Variants in ITGB3BP observed in about 807,000 individuals in gnomAD.
ITGB3BP encodes the protein centromere protein R.
In ITGB3BP, 27 loss-of-function variants were observed where a neutral mutation model predicts 29.1. The ratio of observed to expected loss-of-function variants is 0.93; its 90% CI spans 0.68 to 1.28. The LOEUF (loss-of-function observed/expected upper bound fraction) is 1.28. ITGB3BP is among the 50% of genes most tolerant of loss of function. ITGB3BP has a pLI of 0.00. For synonymous variants in ITGB3BP, 61 were observed against 61.4 expected (o/e 0.99, Z 0.03); for missense variants, 192 against 200.2 (o/e 0.96, Z 0.25).
chr1:63,446,551 T>A, intron 8 of ITGB3BP: 1 of 451,044 alleles, frequency 2.2e-6, no homozygotes. Flanking sequence ...GTTAAAAATG[T>A]GTCCTCTCTG....
chr1:63,490,403 C>T (rs1191500303), intron 2 of ITGB3BP, among the ~76,000 whole-genome samples, 185 bp from the exon 3 acceptor site: 1 of 152,128 alleles, frequency 6.6e-6, no homozygotes, highest in East Asian at 1.9e-4. Context: ...TATTTCAGGT[C>T]TCTATAATAA....
intron 8 of ITGB3BP, among the ~76,000 whole-genome samples, chr1:63,441,410 G>C (rs916041438): frequency 1.3e-5 from 2 of 151,596 alleles, no homozygotes; most frequent in Admixed American, 6.6e-5. Flanking sequence ...GCTAATTTTT[G>C]TATTTTTAGT....
At chr1:63,511,312 G>A (rs1358658763) in intron 1 of ITGB3BP, among the ~76,000 whole-genome samples, 1 of 152,142 alleles carries the variant, frequency 6.6e-6, no homozygotes, top group Non-Finnish European at 1.5e-5. Context: ...TGGTGAGGAT[G>A]TAGAGAAACT....
In ITGB3BP at chr1:63,446,800, C is replaced by CAGT; in HGVS notation, c.*1+3_*1+5dup. On this transcript the variant is annotated splice_donor_region_variant and intron_variant, in intron 8 of 8. Coordinates refer to ENST00000271002, the MANE Select transcript of ITGB3BP (RefSeq NM_014288.5). Reference sequence around the variant, plus strand: ...GTTAAACTAAATTAGAAAGGTGAAACAGTACCTCAGTTTAAAATGGCTTTA... The same window carrying CAGT: ...GTTAAACTAAATTAGAAAGGTGAAACAGTAGTACCTCAGTTTAAAATGGCTTTA... The CAGT allele has an allele frequency of 6.3e-7, 1 of 1,593,410 alleles. No individual in the cohort carries two copies. The highest frequency in any genetic ancestry group is 2.2e-5 in the East Asian group (1 of 44,684).
intron 2 of ITGB3BP, among the ~76,000 whole-genome samples, chr1:63,490,774 C>T (rs1214178016): frequency 6.6e-6 from 1 of 152,160 alleles, no homozygotes. Context: ...GCAGCTTCCT[C>T]CTTTGTGTTT....
intron 4 of ITGB3BP, among the ~76,000 whole-genome samples, chr1:63,470,352 A>T (rs992024002): frequency 1.3e-5 from 2 of 152,218 alleles, no homozygotes; most frequent in African/African-American, 4.8e-5. Flanking sequence ...TATAGAAATA[A>T]AAGAAGAGAC....
chr1:63,454,106 T>C lies in ITGB3BP; in HGVS notation c.428-132A>G, dbSNP rs1222057455. 5 of 512,862 alleles carry C rather than the reference T, an allele frequency of 9.7e-6. 1 individual carries two copies. The highest frequency in any genetic ancestry group is 7.1e-5 in the South Asian group (2 of 27,978). The allele number at this position is 512,862 out of a possible 1,614,324, so 31.8% of individuals were successfully genotyped here. On this transcript the variant is annotated intron_variant, in intron 6 of 8. Transcript: ENST00000271002. The surrounding 1 kb of genome is among the most constrained non-coding windows in gnomAD (Gnocchi z 4.1). ...ATATTTATAAGTACCAAATATAAAA[T>C]ATAATACCTTATTATATATTATAAA...
chr1:63,493,562 T>C (rs779277990), intron 2 of ITGB3BP, among the ~76,000 whole-genome samples: 4 of 152,176 alleles, frequency 2.6e-5, no homozygotes, highest in Non-Finnish European at 5.9e-5. Flanking sequence ...CAAATGCTAC[T>C]GTACTTTTTA....
chr1:63,460,830 G>A (rs1645004480), intron 4 of ITGB3BP, among the ~76,000 whole-genome samples: 1 of 152,122 alleles, frequency 6.6e-6, no homozygotes, highest in African/African-American at 2.4e-5. Flanking sequence ...CCTCGTAGAT[G>A]TAAGGTTTAA....
chr1:63,508,254 T>G (rs1646123372), intron 2 of ITGB3BP, among the ~76,000 whole-genome samples: 1 of 152,166 alleles, frequency 6.6e-6, no homozygotes, highest in African/African-American at 2.4e-5. Flanking sequence ...CCACAAATAG[T>G]GAATTAATTT....
chr1:63,445,400 C>G (rs1381049568), intron 8 of ITGB3BP, among the ~76,000 whole-genome samples: 1 of 152,098 alleles, frequency 6.6e-6, no homozygotes, highest in African/African-American at 2.4e-5. Flanking sequence ...ACAGAATAAA[C>G]GTTTTCATAA....
At chr1:63,509,700 T>A (rs1228587706) in intron 1 of ITGB3BP, among the ~76,000 whole-genome samples, 1 of 152,228 alleles carries the variant, frequency 6.6e-6, no homozygotes, top group African/African-American at 2.4e-5. Context: ...TTCTTGAGAT[T>A]AAACTGGTTT....
At chr1:63,455,821 T>A (rs554454135) in intron 4 of ITGB3BP, among the ~76,000 whole-genome samples, 2 of 152,146 alleles carry the variant, frequency 1.3e-5, no homozygotes, top group African/African-American at 4.8e-5. Context: ...AAACCATATA[T>A]GTAATTTAAA....
intron 8 of ITGB3BP, among the ~76,000 whole-genome samples, chr1:63,445,093 T>C (rs921163857): frequency 1.3e-5 from 2 of 152,054 alleles, no homozygotes; most frequent in African/African-American, 4.8e-5. Context: ...AAGACCAGCC[T>C]GGCCAACATG....
chr1:63,450,761 T>C (rs1644850277), intron 7 of ITGB3BP, among the ~76,000 whole-genome samples: 1 of 151,974 alleles, frequency 6.6e-6, no homozygotes, highest in Admixed American at 6.6e-5. Context: ...CCTAAGTAAC[T>C]GAAGAAAGAA....
chr1:63,517,151 T>TA (rs1465277832), intron 1 of ITGB3BP, among the ~76,000 whole-genome samples: 3 of 152,078 alleles, frequency 2.0e-5, no homozygotes, highest in African/African-American at 7.2e-5. Context: ...TAACTTTTTT[T>TA]AAAAAAGATC....
chr1:63,513,031 T>C (rs1472077054), intron 1 of ITGB3BP, among the ~76,000 whole-genome samples: 1 of 152,220 alleles, frequency 6.6e-6, no homozygotes. Flanking sequence ...ATATTTGGCA[T>C]AAATATCACA....
chr1:63,523,966 A>G (rs1366767443), upstream of ITGB3BP, among the ~76,000 whole-genome samples: 2 of 152,032 alleles, frequency 1.3e-5, no homozygotes, highest in African/African-American at 4.8e-5. Flanking sequence ...CGTTTGCTGC[A>G]ATGTACTCTC....
intron 2 of ITGB3BP, among the ~76,000 whole-genome samples, chr1:63,528,341 A>G (rs1052103282): frequency 7.9e-5 from 12 of 152,212 alleles, no homozygotes; most frequent in Non-Finnish European, 1.5e-5. Context: ...CAGAAAGGCA[A>G]ACATCACACA....
Sources: gnomAD v4.1 joint callset for allele counts (sites outside exome capture counted in the v4.1 genomes callset) on GRCh38, gnomAD v4.1.1 for gene constraint, Gnocchi (gnomAD v3.1) non-coding constraint, MANE v1.5 for transcripts, NCBI Gene and HGNC (gene_info 2026-07-23, HGNC 2026-07-21) for gene names.